The following MFF variants were observed in gnomAD, a reference collection of about 807,000 sequenced individuals.
MFF encodes mitochondrial fission factor.
Under a neutral mutation model 36.9 loss-of-function variants are expected in MFF, and 12 were observed. That is an observed-to-expected ratio of 0.33 (90% confidence interval 0.21 to 0.53). The LOEUF is 0.53. Ranked by LOEUF, MFF falls within the 20% of genes least tolerant of loss-of-function variation. The pLI is 0.95. For missense variants in MFF, 348 were observed against 366.6 expected (o/e 0.95, Z 0.42); for synonymous variants, 99 against 126.2 (o/e 0.78, Z 1.44).
chr2:227,331,046 A>T lies in MFF; in HGVS notation c.181+200A>T, dbSNP rs186299698. Among the ~76,000 whole-genome samples, 1,087 of 152,338 alleles carry T rather than the reference A, an allele frequency of 7.1e-3. 12 individuals carry two copies. Among genetic ancestry groups the T allele is most frequent in the African/African-American group, 0.025 (1,043 of 41,568 alleles). On this transcript the variant is annotated intron_variant, in intron 3 of 8. Coordinates refer to ENST00000304593, the MANE Select transcript of MFF (RefSeq NM_001277062.2). Reference sequence around the variant, plus strand: ...ATTCAACTAATTATTGAGGTTTTACACACATAAAATGTATACATTTTTAAG... The same window carrying T: ...ATTCAACTAATTATTGAGGTTTTACTCACATAAAATGTATACATTTTTAAG...
At chr2:227,356,960 T>A in intron 8 of MFF, 26 bp from the exon 9 acceptor site, 1 of 1,583,014 alleles carries the variant, frequency 6.3e-7, no homozygotes, top group Non-Finnish European at 8.6e-7. Flanking sequence ...TATATTATAT[T>A]TTTTGTGTGT....
intron 6 of MFF, chr2:227,351,826 C>G (rs2076009396): frequency 6.6e-6 from 1 of 152,250 alleles, no homozygotes. Context: ...TCCAGCAGCC[C>G]TGTATGTCAC....
chr2:227,355,214 G>A (rs1452146454), intron 7 of MFF: 1 of 152,430 alleles, frequency 6.6e-6, no homozygotes. Context: ...ACAAGAGGCA[G>A]TGAGAAGAGG....
intron 8 of MFF, among the ~76,000 whole-genome samples, chr2:227,356,663 A>C (rs1432643527): frequency 6.6e-6 from 1 of 152,184 alleles, no homozygotes; most frequent in African/African-American, 2.4e-5. Context: ...GCCAAAATGC[A>C]TACTGAGTCT....
intron 1 of MFF, among the ~76,000 whole-genome samples, chr2:227,328,025 T>C (rs1029112854): frequency 5.9e-5 from 9 of 152,220 alleles, no homozygotes; most frequent in African/African-American, 2.2e-4. Context: ...TTGCGTACTT[T>C]GTACCGAGTA....
chr2:227,337,256 C>T lies in MFF; in HGVS notation c.352-3036C>T, dbSNP rs1172455412. Among the ~76,000 whole-genome samples, 10 of 152,370 alleles carry T rather than the reference C, an allele frequency of 6.6e-5. 1 individual carries two copies. Among genetic ancestry groups the T allele is most frequent in the South Asian group, 6.2e-4 (3 of 4,832 alleles). On this transcript the variant is annotated intron_variant, in intron 4 of 8. Transcript: ENST00000304593. ...TGGGCTATGTGTCCTTCCCAAAACCCGCAGTCACTGGCTTAACTGTTCTCC... is the reference window on the plus strand; with the variant it reads ...TGGGCTATGTGTCCTTCCCAAAACCTGCAGTCACTGGCTTAACTGTTCTCC...
intron 7 of MFF, among the ~76,000 whole-genome samples, chr2:227,354,268 G>A (rs1459425186): frequency 6.6e-6 from 1 of 152,142 alleles, no homozygotes; most frequent in East Asian, 1.9e-4. Flanking sequence ...GATTTTCTGA[G>A]TAGACTTGTC....
chr2:227,355,580 A>G, intron 7 of MFF, 97 bp from the exon 8 acceptor site: 1 of 605,080 alleles, frequency 1.7e-6, no homozygotes, highest in Non-Finnish European at 3.0e-6. Flanking sequence ...CAATTTTCTG[A>G]ATACTACTTT....
In MFF at chr2:227,356,911, A is replaced by G; in HGVS notation, c.745-75A>G. 3 of 1,148,774 alleles carry G rather than the reference A, an allele frequency of 2.6e-6. No individual in the cohort carries two copies. In the East Asian group the frequency reaches 7.1e-5, roughly 27 times the overall value. 71.2% of individuals were successfully genotyped at this position (1,148,774 alleles called of 1,614,324 possible). On this transcript the variant is annotated intron_variant, in intron 8 of 8. Coordinates refer to ENST00000304593, the MANE Select transcript of MFF (RefSeq NM_001277062.2). ...TTGTTGACAAATTATTATACTACTTACTTTATAAGAATCTGATTGCCCTAT... is the reference window on the plus strand; with the variant it reads ...TTGTTGACAAATTATTATACTACTTGCTTTATAAGAATCTGATTGCCCTAT...
In MFF at chr2:227,356,995, C is replaced by T. The variant is rs779613872; in HGVS notation, c.754C>T (p.Leu252=). The stretch of plus-strand genomic sequence containing the variant: ...TTTGTTTTTCACTTAGATAATCAAA[C>T]TAAATAGACGTCTACAACTTCTGGA... The part of the protein sequence containing the change: ...AASLRRQIIK[L]NRRLQLLEEE... The change falls in exon 9 of 9, where the codon CTA becomes TTA. Residue 252 remains leucine (L), a synonymous_variant. Transcript: ENST00000304593. The T allele has an allele frequency of 1.9e-6, 3 of 1,609,768 alleles. No homozygotes were observed. Among genetic ancestry groups the T allele is most frequent in the Non-Finnish European group, 2.5e-6 (3 of 1,177,790 alleles).
chr2:227,336,604 T>A (rs2075023035), intron 4 of MFF, among the ~76,000 whole-genome samples: 1 of 152,212 alleles, frequency 6.6e-6, no homozygotes, highest in Non-Finnish European at 1.5e-5. Context: ...AGCCATCAAA[T>A]GGCATCCTCC....
chr2:227,330,021 T>G (rs2074458776), intron 2 of MFF: 1 of 325,818 alleles, frequency 3.1e-6, no homozygotes, highest in South Asian at 8.6e-5. Context: ...GGATTTATTA[T>G]TACAAATTCT....
intron 5 of MFF, among the ~76,000 whole-genome samples, chr2:227,345,953 A>G (rs6436684): frequency 0.96 from 145,858 of 152,248 alleles, 70,096 homozygotes; most frequent in East Asian, 1. Context: ...CTTTTAAGTA[A>G]TCTTTGAAAA....
At chr2:227,342,811 G>T in intron 5 of MFF, 1 of 1,613,228 alleles carries the variant, frequency 6.2e-7, no homozygotes, top group South Asian at 1.1e-5. Context: ...TTTCTGCACC[G>T]GAGTACACGT....
intron 6 of MFF, among the ~76,000 whole-genome samples, chr2:227,351,038 C>G (rs1019829710): frequency 6.6e-6 from 1 of 152,166 alleles, no homozygotes; most frequent in African/African-American, 2.4e-5. Flanking sequence ...TTGAATATGA[C>G]AGACCCATTT....
intron 2 of MFF, chr2:227,329,420 T>G (rs886773460): frequency 1.0e-5 from 3 of 286,630 alleles, no homozygotes; most frequent in Non-Finnish European, 2.0e-5. Flanking sequence ...TGCTTACAAC[T>G]GTCTTTATGA....
chr2:227,342,933 G>A (rs2075482809), intron 5 of MFF: 6 of 812,564 alleles, frequency 7.4e-6, no homozygotes, highest in Non-Finnish European at 1.1e-5. Flanking sequence ...TTATCTTCCT[G>A]TTTGGCTTTT....
chr2:227,347,191 GTT>G lies in MFF; in HGVS notation c.441-31_441-30del. The G allele has an allele frequency of 3.1e-6, 5 of 1,591,198 alleles. No homozygotes were observed. The South Asian group carries it at 5.6e-5, about 18-fold the overall frequency. On this transcript the variant is annotated intron_variant, in intron 5 of 8. Transcript: ENST00000304593. ...AGTTTTATAAAAATCTGACTTGAGTGTTTTTCTCTTCATTTGCTGTGCTTGTG... is the reference window on the plus strand; with the variant it reads ...AGTTTTATAAAAATCTGACTTGAGTGTTTCTCTTCATTTGCTGTGCTTGTG...
At chr2:227,350,704 T>C (rs2075952162) in intron 6 of MFF, among the ~76,000 whole-genome samples, 1 of 152,156 alleles carries the variant, frequency 6.6e-6, no homozygotes, top group Non-Finnish European at 1.5e-5. Context: ...AAGAAACACA[T>C]ATTCTGTTAC....
Sources: allele counts gnomAD v4.1 joint callset (sites outside exome capture counted in the v4.1 genomes callset), GRCh38; gene constraint gnomAD v4.1.1; transcripts MANE v1.5; gene names NCBI Gene and HGNC (gene_info 2026-07-23, HGNC 2026-07-21).